Variants in LAMB4 observed in about 807,000 individuals in gnomAD.
LAMB4 encodes laminin subunit beta-4.
LAMB4 carries 196 observed loss-of-function variants against 199.2 expected under a neutral mutation model. The ratio of observed to expected loss-of-function variants is 0.98; its 90% CI spans 0.88 to 1.11. LAMB4 has a LOEUF of 1.11. LAMB4 is among the 50% of genes least tolerant of loss of function. LAMB4 has a pLI of 0.00. For synonymous variants in LAMB4, 744 were observed against 770.6 expected (o/e 0.97, Z 0.57); for missense variants, 2,080 against 2,171.2 (o/e 0.96, Z 0.83).
intron 5 of LAMB4, among the ~76,000 whole-genome samples, chr7:108,108,607 G>A (rs1584769773): frequency 6.6e-6 from 1 of 150,666 alleles, no homozygotes; most frequent in Non-Finnish European, 1.5e-5. Flanking sequence ...ATATTTATAT[G>A]TTTGTATCCA....
intron 10 of LAMB4, among the ~76,000 whole-genome samples, chr7:108,100,992 T>TA (rs2037795320): frequency 6.6e-6 from 1 of 152,196 alleles, no homozygotes; most frequent in Non-Finnish European, 1.5e-5. Flanking sequence ...TGTGATCACT[T>TA]AAAGTTTGAA....
intron 31 of LAMB4, among the ~76,000 whole-genome samples, chr7:108,032,513 G>T (rs1308164257): frequency 6.6e-6 from 1 of 152,126 alleles, no homozygotes; most frequent in African/African-American, 2.4e-5. Flanking sequence ...CCTCTGCCAG[G>T]CATCTGGGAG....
chr7:108,097,851 C>A (rs2037670862), intron 11 of LAMB4, among the ~76,000 whole-genome samples: 1 of 152,212 alleles, frequency 6.6e-6, no homozygotes, highest in Non-Finnish European at 1.5e-5. Context: ...ACTTTTGCAA[C>A]TTGGCGTTAA....
intron 33 of LAMB4, among the ~76,000 whole-genome samples, chr7:108,025,405 C>CTTTTCT (rs1554420548): frequency 9.4e-5 from 12 of 127,028 alleles, no homozygotes; most frequent in African/African-American, 5.5e-4. Flanking sequence ...TTCTTTCTTT[C>CTTTTCT]TTTCTTTCTT....
At chr7:108,037,704 G>A in intron 29 of LAMB4, 109 bp from the exon 30 acceptor site, 1 of 768,806 alleles carries the variant, frequency 1.3e-6, no homozygotes, top group South Asian at 1.6e-5. Flanking sequence ...ACTTGATTAT[G>A]TGCCCCTAGA....
In LAMB4 at chr7:108,065,841, GC is replaced by G. The variant is rs1305355954; in HGVS notation, c.2756del (p.Ser919ThrfsTer18). ...RPCLCPDDPS[S>X]NQYFAHSCYQ... The stretch of plus-strand genomic sequence containing the variant: ...AACAGGAATGGGCAAAATACTGATT[GC>G]TTGAGGGATCATCTGGACACAGGCA... On this transcript the variant is annotated frameshift_variant, in exon 21 of 34. Coordinates refer to ENST00000388781, the MANE Select transcript of LAMB4 (RefSeq NM_007356.3). LOFTEE classifies it high-confidence loss of function. The G allele has an allele frequency of 6.2e-7, 1 of 1,613,950 alleles. No individual in the cohort carries two copies. Among genetic ancestry groups the G allele is most frequent in the Non-Finnish European group, 8.5e-7 (1 of 1,179,810 alleles).
intron 26 of LAMB4, among the ~76,000 whole-genome samples, chr7:108,050,923 T>G (rs1052833382): frequency 7.2e-5 from 11 of 152,202 alleles, no homozygotes; most frequent in Non-Finnish European, 1.3e-4. Flanking sequence ...TAATGCTGTT[T>G]GCAGTGGTTT....
chr7:108,086,427 A>T (rs1013269855), intron 14 of LAMB4, among the ~76,000 whole-genome samples: 1 of 152,198 alleles, frequency 6.6e-6, no homozygotes, highest in South Asian at 2.1e-4. Context: ...AGACAGTGAC[A>T]CTGTACACAT....
Position 108,069,884 on chromosome 7 carries a change from A to C in LAMB4, c.2126T>G (p.Leu709Arg), listed in dbSNP as rs1402507758. Residue 709 changes from leucine to arginine, a missense_variant and splice_region_variant, in exon 18 of 34, where the codon CTT (leucine) becomes CGT (arginine). By Grantham distance (102) the Leu-to-Arg change is moderately radical. Coordinates refer to ENST00000388781, the MANE Select transcript of LAMB4 (RefSeq NM_007356.3). ...TGAATTGATTTGGGGAATAAGGCCA[A>C]GCTTTTGAAAGAATGCAAAAAGACT... is the stretch of plus-strand genomic sequence containing the variant. ...HAHSHVLVDS[L>R]GLIPQINSLE... The C allele has an allele frequency of 6.2e-7, 1 of 1,606,186 alleles. No homozygotes were observed. Among genetic ancestry groups the C allele is most frequent in the Non-Finnish European group, 8.5e-7 (1 of 1,173,858 alleles).
At chr7:108,080,348 T>C (rs1261041378) in intron 14 of LAMB4, among the ~76,000 whole-genome samples, 1 of 152,206 alleles carries the variant, frequency 6.6e-6, no homozygotes, top group African/African-American at 2.4e-5. Context: ...TGAGGCCATC[T>C]GGACCCTGTA....
rs139318200 is a variant in LAMB4 at position 108,030,948 on chromosome 7, T to G, written c.4850A>C (p.Glu1617Ala). 5.6e-6 allele frequency: 9 copies of G among 1,613,734 alleles called. No individual in the cohort carries two copies. In the African/African-American group the frequency reaches 1.1e-4, roughly 19 times the overall value. The change falls in exon 32 of 34, where the codon GAG (glutamate) becomes GCG (alanine). Residue 1617 changes from glutamate to alanine, a missense_variant. Transcript: ENST00000388781. ...TGATCGCTGCTTTGCTAACTCCAGC[T>G]CACTCTTCATTTCCCTGGTTTGATT... Reference protein sequence around the residue: ...AENQTREMKSELELAKQRSGL... With the variant: ...AENQTREMKSALELAKQRSGL...
chr7:108,098,452 G>T lies in LAMB4; in HGVS notation c.1311C>A (p.Cys437Ter), dbSNP rs149300726. Reference sequence around the variant, plus strand: ...CGCTTAGTCCGTAGTGGTTGGGTTTGCACTGGTCGCATTTGGCTCCTTCCA... The same window carrying T: ...CGCTTAGTCCGTAGTGGTTGGGTTTTCACTGGTCGCATTTGGCTCCTTCCA... Reference protein sequence around the residue: ...ENVEGAKCDQCKPNHYGLSAT... With the variant: ...ENVEGAKCDQ Residue 437 changes from cysteine (C) to a stop codon, truncating the protein, a stop_gained, in exon 11 of 34, where the codon TGC (cysteine) becomes TGA (stop). Coordinates refer to ENST00000388781, the MANE Select transcript of LAMB4 (RefSeq NM_007356.3). LOFTEE classifies it high-confidence loss of function. 6.2e-7 allele frequency: 1 copy of T among 1,612,580 alleles called. No individual in the cohort carries two copies. Among genetic ancestry groups the T allele is most frequent in the Admixed American group, 1.7e-5 (1 of 59,828 alleles).
intron 3 of LAMB4, among the ~76,000 whole-genome samples, chr7:108,115,503 T>TA (rs1309279509): frequency 1.3e-5 from 2 of 152,234 alleles, no homozygotes; most frequent in African/African-American, 2.4e-5. Context: ...ACCCTGTCTC[T>TA]AAAAAGACAA....
At chr7:108,052,364 AAGGG>A in intron 25 of LAMB4, 107 bp from the exon 26 acceptor site, 1 of 782,124 alleles carries the variant, frequency 1.3e-6, no homozygotes, top group Non-Finnish European at 2.0e-6. Context: ...TCTTGATTAG[AAGGG>A]ATTCCTTCTA....
chr7:108,051,081 T>G (rs2035811954), intron 26 of LAMB4, among the ~76,000 whole-genome samples: 1 of 152,162 alleles, frequency 6.6e-6, no homozygotes, highest in African/African-American at 2.4e-5. Flanking sequence ...AGGATTAGCA[T>G]GGGGGCAGTT....
At chr7:108,096,760 C>T (rs577992628) in intron 11 of LAMB4, among the ~76,000 whole-genome samples, 10 of 141,136 alleles carry the variant, frequency 7.1e-5, no homozygotes, top group South Asian at 4.6e-4. Flanking sequence ...AGTGAGACTC[C>T]GTCTCTCAAA....
intron 19 of LAMB4, 105 bp from the exon 20 acceptor site, chr7:108,066,705 T>A (rs1584671706): frequency 4.2e-6 from 3 of 709,140 alleles, no homozygotes. Flanking sequence ...CCCAGTGAAC[T>A]AAGCAAGCCT....
intron 12 of LAMB4, among the ~76,000 whole-genome samples, chr7:108,095,018 C>G (rs1392345367): frequency 2.6e-5 from 4 of 152,086 alleles, no homozygotes; most frequent in Admixed American, 2.6e-4. Flanking sequence ...CAGTGGTGAG[C>G]TGGTAAATGT....
intron 6 of LAMB4, 87 bp from the exon 7 acceptor site, chr7:108,106,659 G>A: frequency 2.6e-6 from 2 of 758,438 alleles, no homozygotes; most frequent in South Asian, 1.7e-5. Context: ...AAACCTCCCA[G>A]GCCCAAGAAA....
Sources: allele counts gnomAD v4.1 joint callset (sites outside exome capture counted in the v4.1 genomes callset), GRCh38; gene constraint gnomAD v4.1.1; transcripts MANE v1.5; gene names NCBI Gene and HGNC (gene_info 2026-07-23, HGNC 2026-07-21).